The following BLVRA variants were observed in gnomAD, a reference collection of about 807,000 sequenced individuals.
BLVRA encodes the protein BVR A.
Under a neutral mutation model 32.8 loss-of-function variants are expected in BLVRA, and 22 were observed. The ratio of observed to expected loss-of-function variants is 0.67; its 90% CI spans 0.48 to 0.96. The LOEUF (loss-of-function observed/expected upper bound fraction) is 0.96. Among genes scored for constraint, BLVRA ranks in the 40% least tolerant of loss-of-function variants. The probability of loss-of-function intolerance (pLI) is 0.00; values close to 1 mark genes in which losing one functional copy is unlikely to be tolerated. For missense variants in BLVRA, 323 were observed against 358.1 expected (o/e 0.90, Z 0.79); for synonymous variants, 119 against 141.3 (o/e 0.84, Z 1.12).
intron 2 of BLVRA, among the ~76,000 whole-genome samples, chr7:43,778,810 G>C (rs2095764907): frequency 2.0e-5 from 3 of 152,376 alleles, no homozygotes; most frequent in South Asian, 4.1e-4. Flanking sequence ...GCCCCACCCA[G>C]TTCGAGCTTC....
chr7:43,774,405 C>T (rs1053856881), intron 2 of BLVRA, among the ~76,000 whole-genome samples: 18 of 152,282 alleles, frequency 1.2e-4, no homozygotes, highest in African/African-American at 4.3e-4. Context: ...AATCCTTTCC[C>T]CATTGCTTGT....
Position 43,806,908 on chromosome 7 carries a change from T to A in BLVRA, c.633-69T>A. 6.9e-6 allele frequency: 11 copies of A among 1,591,918 alleles called. No individual in the cohort carries two copies. The South Asian group carries it at 1.2e-4, about 18-fold the overall frequency. Reference sequence around the variant, plus strand: ...AAGGACATGTTACCAGGCGGTCTGGTGCCAGCAAGCACCCACTTGTGCTCT... The same window carrying A: ...AAGGACATGTTACCAGGCGGTCTGGAGCCAGCAAGCACCCACTTGTGCTCT... On this transcript the variant is annotated intron_variant, in intron 7 of 7. Transcript: ENST00000265523.
At chr7:43,786,304 G>A (rs2095777444) in intron 2 of BLVRA, among the ~76,000 whole-genome samples, 1 of 152,010 alleles carries the variant, frequency 6.6e-6, no homozygotes, top group Non-Finnish European at 1.5e-5. Flanking sequence ...GGTCATTTTA[G>A]AAAGATAAAG....
chr7:43,758,406 G>T (rs2095738502), upstream of BLVRA, among the ~76,000 whole-genome samples: 1 of 152,068 alleles, frequency 6.6e-6, no homozygotes, highest in Non-Finnish European at 1.5e-5. Context: ...ACTTCCATAC[G>T]CCCTCCGGTC....
At chr7:43,760,503 A>AT (rs1479347228) in intron 1 of BLVRA, among the ~76,000 whole-genome samples, 3 of 152,164 alleles carry the variant, frequency 2.0e-5, no homozygotes, top group Non-Finnish European at 4.4e-5. Context: ...TGATGACATG[A>AT]TCATATATTT....
intron 3 of BLVRA, among the ~76,000 whole-genome samples, chr7:43,789,890 TG>T (rs1212655489): frequency 2.0e-5 from 3 of 151,968 alleles, no homozygotes; most frequent in South Asian, 4.2e-4. Context: ...TGTGTGTGTG[TG>T]TGTGTGTGTG....
chr7:43,803,637 C>T (rs781685103), intron 6 of BLVRA, 39 bp from the exon 7 acceptor site: 1 of 1,603,870 alleles, frequency 6.2e-7, no homozygotes, highest in Non-Finnish European at 8.5e-7. Context: ...CTTGGCATTC[C>T]TGCTTCCCAG....
intron 5 of BLVRA, among the ~76,000 whole-genome samples, chr7:43,796,913 T>C (rs2095793435): frequency 6.6e-6 from 1 of 152,218 alleles, no homozygotes; most frequent in African/African-American, 2.4e-5. Context: ...GACATTTTTC[T>C]GAAGAAGTTA....
At chr7:43,782,882 T>G (rs1017156987) in intron 2 of BLVRA, among the ~76,000 whole-genome samples, 1 of 151,880 alleles carries the variant, frequency 6.6e-6, no homozygotes. Flanking sequence ...GATGAGAAGG[T>G]CTTGGATGAC....
intron 2 of BLVRA, among the ~76,000 whole-genome samples, chr7:43,784,500 G>T (rs143009839): frequency 9.2e-4 from 140 of 151,960 alleles, no homozygotes; most frequent in African/African-American, 3.3e-3. Context: ...AAATGAAGAG[G>T]CTCACGTTAA....
chr7:43,800,327 G>A (rs962082112), intron 5 of BLVRA, 138 bp from the exon 6 acceptor site: 19 of 778,278 alleles, frequency 2.4e-5, no homozygotes, highest in Non-Finnish European at 6.7e-6. Context: ...ACAGTGGTAG[G>A]GAGGCCATCC....
chr7:43,794,172 C>T (rs2095789240), intron 5 of BLVRA, among the ~76,000 whole-genome samples: 1 of 151,962 alleles, frequency 6.6e-6, no homozygotes, highest in Non-Finnish European at 1.5e-5. Context: ...TGAGGCTGCA[C>T]TGAACCATGA....
chr7:43,765,706 T>C (rs1453783278), intron 1 of BLVRA, among the ~76,000 whole-genome samples: 1 of 152,146 alleles, frequency 6.6e-6, no homozygotes, highest in East Asian at 1.9e-4. Flanking sequence ...TGTTCTAAAA[T>C]TAATGAGAGA....
In BLVRA at chr7:43,796,520, G is replaced by A. The variant is rs562163162; in HGVS notation, c.352+3708G>A. Among the ~76,000 whole-genome samples the A allele has an allele frequency of 3.9e-5, 6 of 152,112 alleles. No homozygotes were observed. In the South Asian group the frequency reaches 1.0e-3, roughly 26 times the overall value. The stretch of plus-strand genomic sequence containing the variant: ...GGATATCCACATGCAAAAGAATGAA[G>A]TTGGACACTTACCTTACACCATATA... On this transcript the variant is annotated intron_variant, in intron 5 of 7. Transcript: ENST00000265523.
chr7:43,762,046 C>T (rs996362499), intron 1 of BLVRA, among the ~76,000 whole-genome samples: 6 of 152,056 alleles, frequency 3.9e-5, no homozygotes, highest in Non-Finnish European at 8.8e-5. Flanking sequence ...TCACCCTCTC[C>T]CTAATCCTTC....
Position 43,787,311 on chromosome 7 carries a change from A to T in BLVRA, c.13-593A>T. 6.6e-6 allele frequency among the ~76,000 whole-genome samples: 1 copy of T among 152,200 alleles called. No individual in the cohort carries two copies. The highest frequency in any genetic ancestry group is 1.5e-5 in the Non-Finnish European group (1 of 68,040). ...GATTTTTCACTGTAATACTGTTCAC[A>T]TACAGCCTCCAGCAGTGCACTTAAA... On this transcript the variant is annotated intron_variant, in intron 2 of 7. Coordinates refer to ENST00000265523, the MANE Select transcript of BLVRA (RefSeq NM_000712.4). This position sits in a 1 kb window ranked among gnomAD's most constrained non-coding sequence, Gnocchi z 4.5.
Position 43,787,695 on chromosome 7 carries a change from A to G in BLVRA, c.13-209A>G, listed in dbSNP as rs574586794. Reference sequence around the variant, plus strand: ...TTTCAACCTAAAGACATGGTGGAGCACCTTCAAGAACAGGTTTTGGCGGGA... The same window carrying G: ...TTTCAACCTAAAGACATGGTGGAGCGCCTTCAAGAACAGGTTTTGGCGGGA... On this transcript the variant is annotated intron_variant, in intron 2 of 7. Transcript: ENST00000265523. This position sits in a 1 kb window ranked among gnomAD's most constrained non-coding sequence, Gnocchi z 4.5. 6.6e-6 allele frequency among the ~76,000 whole-genome samples: 1 copy of G among 152,294 alleles called. No homozygotes were observed. The highest frequency in any genetic ancestry group is 2.4e-5 in the African/African-American group (1 of 41,562).
chr7:43,805,718 A>G (rs1374631743), intron 7 of BLVRA, among the ~76,000 whole-genome samples: 6 of 152,072 alleles, frequency 3.9e-5, no homozygotes, highest in Non-Finnish European at 1.5e-5. Context: ...AAATTTTTTT[A>G]TCTATTTATT....
intron 1 of BLVRA, among the ~76,000 whole-genome samples, chr7:43,770,836 C>T (rs559613942): frequency 6.6e-6 from 1 of 152,310 alleles, no homozygotes; most frequent in East Asian, 1.9e-4. Flanking sequence ...GCATCCTTCC[C>T]ATGGAGGCAT....
Sources: allele counts gnomAD v4.1 joint callset (sites outside exome capture counted in the v4.1 genomes callset), GRCh38; gene constraint gnomAD v4.1.1; non-coding constraint Gnocchi (gnomAD v3.1); transcripts MANE v1.5; gene names NCBI Gene and HGNC (gene_info 2026-07-23, HGNC 2026-07-21).